TFB1M: variants seen among roughly 807,000 people sequenced by gnomAD.
TFB1M encodes the protein dimethyladenosine transferase 1, mitochondrial.
TFB1M carries 27 observed loss-of-function variants against 31.1 expected under a neutral mutation model. The ratio of observed to expected loss-of-function variants is 0.87; its 90% CI spans 0.64 to 1.20. The LOEUF (loss-of-function observed/expected upper bound fraction) is 1.20. Among genes scored for constraint, TFB1M ranks in the 50% most tolerant of loss-of-function variants. TFB1M has a pLI of 0.00. For missense variants in TFB1M, 394 were observed against 418.7 expected (o/e 0.94, Z 0.51); for synonymous variants, 166 against 151.8 (o/e 1.09, Z -0.69).
the TFB1M span, chr6:155,249,916 T>C: frequency 6.2e-7 from 1 of 1,613,996 alleles, no homozygotes; most frequent in African/African-American, 1.3e-5. Context: ...CTATGAGGAT[T>C]ATGGGACCGT....
rs3734320 is a variant in TFB1M at position 155,285,326 on chromosome 6, T to A, written c.547-49A>T. On this transcript the variant is annotated intron_variant, in intron 4 of 6. Coordinates refer to ENST00000367166, the MANE Select transcript of TFB1M (RefSeq NM_016020.4). ...TTAGCAAATAATTAGTCCAGCCTGA[T>A]TAGATGAAAAAGAGTCAACATTCCA... 276,933 of 1,608,306 alleles carry A rather than the reference T, an allele frequency of 0.17. 25,640 individuals carry two copies. The highest frequency in any genetic ancestry group is 0.19 in the Non-Finnish European group (226,809 of 1,176,406).
the TFB1M span, chr6:155,240,584 G>A: frequency 8.1e-6 from 13 of 1,614,008 alleles, no homozygotes; most frequent in African/African-American, 5.3e-5. Flanking sequence ...TCAGGCCAAC[G>A]GCATGGAAGG....
the TFB1M span, among the ~76,000 whole-genome samples, chr6:155,246,069 G>GTT: frequency 1.6e-4 from 23 of 142,368 alleles, no homozygotes; most frequent in African/African-American, 5.9e-4. Context: ...ATGCTATGGT[G>GTT]TTTTTTTTTT....
rs114704600 is a variant in TFB1M, at chr6:155,256,672, G to A, written c.*1164C>T. ...TTCTCCCGGGAAATACCCACACCCC[G>A]GCTTGGCAGATTTTGCCGACAATCT... On this transcript the variant is annotated 3_prime_UTR_variant, in exon 7 of 7. Coordinates refer to ENST00000367166, the MANE Select transcript of TFB1M (RefSeq NM_016020.4). The A allele has an allele frequency of 2.5e-5, 40 of 1,614,174 alleles. No individual in the cohort carries two copies. The South Asian group carries it at 3.2e-4, about 13-fold the overall frequency.
chr6:155,275,614 A>G, intron 5 of TFB1M: 1 of 1,178,376 alleles, frequency 8.5e-7, no homozygotes, highest in South Asian at 1.5e-5. Flanking sequence ...TTTTTTCCTT[A>G]GGCTTTGTTA....
chr6:155,261,894 T>G (rs1784409562), intron 5 of TFB1M, among the ~76,000 whole-genome samples: 1 of 152,220 alleles, frequency 6.6e-6, no homozygotes. Context: ...CTTGTGAAGA[T>G]TCTATGGTGG....
At chr6:155,273,171 T>C (rs1032844585) in intron 5 of TFB1M, among the ~76,000 whole-genome samples, 3 of 152,238 alleles carry the variant, frequency 2.0e-5, no homozygotes, top group Admixed American at 2.0e-4. Flanking sequence ...CTTGATTTTT[T>C]TTCTAGAAAC....
At chr6:155,250,508 C>G in the TFB1M span, 2 of 1,526,160 alleles carry the variant, frequency 1.3e-6, no homozygotes, top group Non-Finnish European at 1.8e-6. Context: ...TTCACTCTGG[C>G]CAGTTTCAAT....
chr6:155,307,684 G>T (rs1322884306), intron 2 of TFB1M, among the ~76,000 whole-genome samples: 1 of 152,044 alleles, frequency 6.6e-6, no homozygotes, highest in Admixed American at 6.6e-5. Flanking sequence ...TTTAATATAT[G>T]AAGCCTTTAA....
At chr6:155,248,922 C>T in the TFB1M span, among the ~76,000 whole-genome samples, 442 of 152,154 alleles carry the variant, frequency 2.9e-3, 1 homozygote, top group Non-Finnish European at 4.0e-3. Flanking sequence ...CTGAGAAGAG[C>T]GTAAATTAAA....
chr6:155,264,944 G>A (rs1784556119), intron 5 of TFB1M, among the ~76,000 whole-genome samples: 1 of 152,192 alleles, frequency 6.6e-6, no homozygotes, highest in Non-Finnish European at 1.5e-5. Context: ...TAATCCTCAA[G>A]AAAGCACAAA....
At chr6:155,311,437 C>T (rs996185451) in intron 1 of TFB1M, 98 bp from the exon 2 acceptor site, 65 of 950,132 alleles carry the variant, frequency 6.8e-5, no homozygotes, top group Non-Finnish European at 1.0e-4. Flanking sequence ...CAGCCATTAC[C>T]CAATCAATTG....
chr6:155,241,273 A>G, the TFB1M span, among the ~76,000 whole-genome samples: 1 of 152,222 alleles, frequency 6.6e-6, no homozygotes, highest in Non-Finnish European at 1.5e-5. Flanking sequence ...GCCCCCAGTC[A>G]GTGGTTTGAG....
the TFB1M span, among the ~76,000 whole-genome samples, chr6:155,242,286 T>TCA: frequency 6.6e-6 from 1 of 152,212 alleles, no homozygotes; most frequent in African/African-American, 2.4e-5. Flanking sequence ...CTGTTGTGAT[T>TCA]CACACACACA....
rs760217409 is a variant in TFB1M, at chr6:155,298,457, A to T, written c.394+20T>A. On this transcript the variant is annotated intron_variant, in intron 3 of 6. Transcript: ENST00000367166. ...AATAATCATAAAAGAAATGTTTTAT[A>T]ACTACCCAAAAGCACTCACCATCTT... 5 of 1,243,322 alleles carry T rather than the reference A, an allele frequency of 4.0e-6. No individual in the cohort carries two copies. In the Admixed American group the frequency reaches 8.4e-5, roughly 21 times the overall value. 77.0% of individuals were successfully genotyped at this position (1,243,322 alleles called of 1,614,324 possible).
intron 5 of TFB1M, among the ~76,000 whole-genome samples, 183 bp downstream of exon 5, chr6:155,284,975 A>G (rs1776558790): frequency 6.6e-6 from 1 of 152,210 alleles, no homozygotes; most frequent in Non-Finnish European, 1.5e-5. Flanking sequence ...ACCTAAGGAG[A>G]ACAATTATAG....
chr6:155,296,951 A>G lies in TFB1M; in HGVS notation c.546+2T>C, dbSNP rs974372117. 3.1e-6 allele frequency: 5 copies of G among 1,613,386 alleles called. No individual in the cohort carries two copies. In the African/African-American group the frequency reaches 5.3e-5, roughly 17 times the overall value. On this transcript the variant is annotated splice_donor_variant, in intron 4 of 6. Coordinates refer to ENST00000367166, the MANE Select transcript of TFB1M (RefSeq NM_016020.4). LOFTEE classifies it high-confidence loss of function. ...AAATAGTCACAAAATGTTAAAACTT[A>G]CCTCTGCCACTTCCTTTTGAAAAGT... is the stretch of plus-strand genomic sequence containing the variant.
intron 1 of TFB1M, 24 bp from the exon 2 acceptor site, chr6:155,311,363 A>T (rs576493668): frequency 1.2e-6 from 2 of 1,608,604 alleles, no homozygotes; most frequent in South Asian, 1.1e-5. Flanking sequence ...AGTTTTAGTT[A>T]TCTCAATTAA....
the TFB1M span, chr6:155,244,021 G>A: frequency 1.9e-6 from 3 of 1,614,008 alleles, no homozygotes; most frequent in Non-Finnish European, 1.7e-6. Context: ...GATTTGAGCT[G>A]CCTCTTTGAA....
Sources: allele counts gnomAD v4.1 joint callset (sites outside exome capture counted in the v4.1 genomes callset), GRCh38; gene constraint gnomAD v4.1.1; transcripts MANE v1.5; gene names NCBI Gene and HGNC (gene_info 2026-07-23, HGNC 2026-07-21).